FCHSD2: variants seen among roughly 807,000 people sequenced by gnomAD.
FCHSD2 encodes FCH and double SH3 domains 2.
Under a neutral mutation model 108.1 loss-of-function variants are expected in FCHSD2, and 38 were observed. The observed-to-expected ratio is 0.35, with a 90% CI of 0.27 to 0.46. FCHSD2 has a LOEUF of 0.46. Among genes scored for constraint, FCHSD2 ranks in the 20% least tolerant of loss-of-function variants. The pLI, the probability that FCHSD2 is intolerant of heterozygous loss-of-function variation, is 1.00. For synonymous variants in FCHSD2, 279 were observed against 314.7 expected (o/e 0.89, Z 1.20); for missense variants, 751 against 897.8 (o/e 0.84, Z 2.09).
intron 9 of FCHSD2, among the ~76,000 whole-genome samples, chr11:72,919,728 A>G (rs1214568846): frequency 6.6e-6 from 1 of 152,304 alleles, no homozygotes; most frequent in East Asian, 1.9e-4. Context: ...AAAACATTTC[A>G]AAGAATTTTG....
At chr11:73,041,150 T>C (rs1565381036) in intron 3 of FCHSD2, among the ~76,000 whole-genome samples, 1 of 152,242 alleles carries the variant, frequency 6.6e-6, no homozygotes, top group Non-Finnish European at 1.5e-5. Context: ...CGTAGGTTGA[T>C]TCCATAACTT....
At chr11:73,124,888 C>T (rs1860817994) in intron 2 of FCHSD2, among the ~76,000 whole-genome samples, 1 of 151,968 alleles carries the variant, frequency 6.6e-6, no homozygotes, top group South Asian at 2.1e-4. Context: ...CTGTAGGAAA[C>T]CAAAGATAAA....
chr11:73,070,395 T>A (rs534264524), intron 3 of FCHSD2, among the ~76,000 whole-genome samples: 1 of 152,264 alleles, frequency 6.6e-6, no homozygotes, highest in Non-Finnish European at 1.5e-5. Context: ...AGTCGTAAAG[T>A]AGATACTTGA....
At chr11:72,932,194 C>T (rs1856207457) in intron 8 of FCHSD2, among the ~76,000 whole-genome samples, 1 of 152,114 alleles carries the variant, frequency 6.6e-6, no homozygotes, top group African/African-American at 2.4e-5. Flanking sequence ...ATTTACCAAA[C>T]CCAACCCCTC....
At chr11:73,041,174 A>G (rs1858628317) in intron 3 of FCHSD2, among the ~76,000 whole-genome samples, 1 of 152,222 alleles carries the variant, frequency 6.6e-6, no homozygotes, top group African/African-American at 2.4e-5. Flanking sequence ...TACTATGAAT[A>G]GTGCTGCAAC....
At chr11:73,091,604 T>C (rs570790346) in intron 2 of FCHSD2, among the ~76,000 whole-genome samples, 2 of 152,256 alleles carry the variant, frequency 1.3e-5, no homozygotes, top group African/African-American at 4.8e-5. Context: ...AATTATAGAA[T>C]GTCAAACCAC....
At chr11:73,010,078 G>C (rs1012706573) in intron 4 of FCHSD2, among the ~76,000 whole-genome samples, 9 of 152,066 alleles carry the variant, frequency 5.9e-5, no homozygotes, top group African/African-American at 2.2e-4. Context: ...TATCACAAAG[G>C]CTTTGTTAAT....
intron 3 of FCHSD2, among the ~76,000 whole-genome samples, chr11:73,058,123 C>T (rs1427253548): frequency 6.6e-6 from 1 of 152,168 alleles, no homozygotes; most frequent in African/African-American, 2.4e-5. Flanking sequence ...TCGTGCTCCG[C>T]CTGCCTCAGC....
chr11:73,008,051 A>G (rs554645169), intron 4 of FCHSD2, among the ~76,000 whole-genome samples: 7 of 152,314 alleles, frequency 4.6e-5, no homozygotes, highest in Middle Eastern at 3.4e-3. Context: ...AACTCAGGAC[A>G]ATGTGATTAA....
At chr11:72,853,168 T>G (rs971431624) in intron 13 of FCHSD2, among the ~76,000 whole-genome samples, 3 of 152,152 alleles carry the variant, frequency 2.0e-5, no homozygotes, top group Non-Finnish European at 4.4e-5. Flanking sequence ...AGTTCGAGAC[T>G]AGAAAGCCCA....
chr11:73,093,160 T>C (rs1254375393), intron 2 of FCHSD2, among the ~76,000 whole-genome samples: 1 of 152,318 alleles, frequency 6.6e-6, no homozygotes, highest in East Asian at 1.9e-4. Flanking sequence ...CTGTCACACA[T>C]CATTGCAGAA....
At chr11:72,992,679 T>C (rs1037607588) in intron 5 of FCHSD2, among the ~76,000 whole-genome samples, 8 of 152,162 alleles carry the variant, frequency 5.3e-5, no homozygotes, top group Non-Finnish European at 1.2e-4. Flanking sequence ...ATTTAATAAA[T>C]GGTGCTGGGA....
intron 12 of FCHSD2, among the ~76,000 whole-genome samples, chr11:72,871,916 G>A (rs1162868450): frequency 1.3e-5 from 2 of 151,830 alleles, no homozygotes; most frequent in African/African-American, 2.4e-5. Flanking sequence ...ATTTCCCTCC[G>A]AATTCTCTGC....
chr11:72,989,635 A>C lies in FCHSD2; in HGVS notation c.388-538T>G, dbSNP rs957315544. ...CACATAACAATTATTACTCAAAACCATCCCCTGCCCAACTCCGTGGATACA... is the reference window on the plus strand; with the variant it reads ...CACATAACAATTATTACTCAAAACCCTCCCCTGCCCAACTCCGTGGATACA... On this transcript the variant is annotated intron_variant, in intron 5 of 19. Coordinates refer to ENST00000409418, the MANE Select transcript of FCHSD2 (RefSeq NM_014824.3). 1.1e-4 allele frequency among the ~76,000 whole-genome samples: 17 copies of C among 152,260 alleles called. 1 individual carries two copies. In the Middle Eastern group the frequency reaches 0.01, roughly 91 times the overall value.
intron 14 of FCHSD2, among the ~76,000 whole-genome samples, chr11:72,845,450 AAAAAAAAAAAAC>A (rs1297965812): frequency 0.013 from 629 of 47,918 alleles, 4 homozygotes; most frequent in Admixed American, 0.029. Flanking sequence ...AAAAAAAAAA[AAAAAAAAAAAAC>A]AACAACAAAC....
intron 9 of FCHSD2, among the ~76,000 whole-genome samples, chr11:72,915,915 A>G (rs1047090362): frequency 1.3e-5 from 2 of 152,224 alleles, no homozygotes; most frequent in Non-Finnish European, 2.9e-5. Flanking sequence ...TGTCCTTTGC[A>G]GGAACATGAA....
At chr11:73,090,505 G>A (rs1467716693) in intron 2 of FCHSD2, among the ~76,000 whole-genome samples, 6 of 152,104 alleles carry the variant, frequency 3.9e-5, no homozygotes, top group Non-Finnish European at 5.9e-5. Flanking sequence ...GATTACAGGC[G>A]TGAGCCACCG....
At chr11:73,082,821 A>T (rs1859727308) in intron 3 of FCHSD2, among the ~76,000 whole-genome samples, 1 of 152,192 alleles carries the variant, frequency 6.6e-6, no homozygotes, top group Non-Finnish European at 1.5e-5. Context: ...AAGGGTCAAA[A>T]TTTTCAAACT....
intron 2 of FCHSD2, among the ~76,000 whole-genome samples, chr11:73,118,347 C>T (rs1860652972): frequency 6.6e-6 from 1 of 152,060 alleles, no homozygotes; most frequent in South Asian, 2.1e-4. Context: ...ACAAAGGACA[C>T]AGAATGGCAC....
Sources: allele counts gnomAD v4.1 joint callset (sites outside exome capture counted in the v4.1 genomes callset), GRCh38; gene constraint gnomAD v4.1.1; transcripts MANE v1.5; gene names NCBI Gene and HGNC (gene_info 2026-07-23, HGNC 2026-07-21).